The following SNED1 variants were observed in gnomAD, a reference collection of about 807,000 sequenced individuals.
The protein encoded by SNED1 is sushi, nidogen and EGF like domains 1, also known as sushi, nidogen and EGF-like domain-containing protein 1.
A neutral mutation model predicts 166.7 loss-of-function variants in SNED1; 81 were observed. That is an observed-to-expected ratio of 0.49 (90% CI 0.41 to 0.58). The LOEUF is 0.58. Among genes scored for constraint, SNED1 ranks in the 20% least tolerant of loss-of-function variants. The pLI, the probability that SNED1 is intolerant of heterozygous loss-of-function variation, is 0.00. For missense variants in SNED1, 1,604 were observed against 2,000.2 expected, an observed-to-expected ratio of 0.80 and a Z score of 3.78; for synonymous variants, 762 against 822.0, an observed-to-expected ratio of 0.93 and a Z score of 1.25.
chr2:241,051,558 G>A lies in SNED1; in HGVS notation c.1736-186G>A. ...GTGACTGAGTTGGGGTCTCCAGCCT[G>A]TGAGCCCCACCCCAGCCCCCACCAT... On this transcript the variant is annotated intron_variant, in intron 12 of 31. Transcript: ENST00000310397. This position sits in a 1 kb window ranked among gnomAD's most constrained non-coding sequence, Gnocchi z 4.7. 1 of 458,926 alleles carries A rather than the reference G, an allele frequency of 2.2e-6. No homozygotes were observed. Among genetic ancestry groups the A allele is most frequent in the Non-Finnish European group, 3.8e-6 (1 of 261,272 alleles). The allele number at this position is 458,926 out of a possible 1,614,324, so 28.4% of individuals were successfully genotyped here. A position where few individuals can be genotyped will look rare whatever the true frequency, so the allele number is the denominator to read the frequency against.
chr2:241,085,174 T>G (rs1392317511), intron 29 of SNED1, among the ~76,000 whole-genome samples: 2 of 152,224 alleles, frequency 1.3e-5, no homozygotes, highest in African/African-American at 4.8e-5. Context: ...CGTAAAATTT[T>G]TGCCATTATT....
rs59199140 is a variant in SNED1, at chr2:241,012,825, C to CT, written c.213+13791dup. Among the ~76,000 whole-genome samples the CT allele has an allele frequency of 4.6e-3, 627 of 134,850 alleles. 1 individual carries two copies. Among genetic ancestry groups the CT allele is most frequent in the Middle Eastern group, 7.7e-3 (2 of 260 alleles). The allele number at this position is 134,850 out of a possible 152,430, so 88.5% of individuals were successfully genotyped here. ...CGAGGCAGTACTGTGTTTTTTTTTTCTTTTTTTTTTTTTTTTGTTGTTGTT... is the reference window on the plus strand; with the variant it reads ...CGAGGCAGTACTGTGTTTTTTTTTTCTTTTTTTTTTTTTTTTTGTTGTTGTT... On this transcript the variant is annotated intron_variant, in intron 1 of 31. Coordinates refer to ENST00000310397, the MANE Select transcript of SNED1 (RefSeq NM_001080437.3).
intron 1 of SNED1, among the ~76,000 whole-genome samples, chr2:241,028,175 A>C (rs145581322): frequency 2.5e-3 from 379 of 152,302 alleles, no homozygotes; most frequent in Non-Finnish European, 4.0e-3. Context: ...CTCTATATTC[A>C]GGATATTAAT....
chr2:241,072,044 G>A (rs1373221915), intron 26 of SNED1, 166 bp downstream of exon 26: 14 of 723,588 alleles, frequency 1.9e-5, no homozygotes, highest in Middle Eastern at 4.5e-4. Context: ...CTCGTGGGCC[G>A]CCGGCAGCAT....
rs768710943 is a variant in SNED1 at position 241,033,745 on chromosome 2, T to A, written c.512T>A (p.Phe171Tyr). 3.7e-6 allele frequency: 6 copies of A among 1,611,768 alleles called. No homozygotes were observed. The South Asian group carries it at 6.6e-5, about 18-fold the overall frequency. The change falls in exon 3 of 32, where the codon TTC becomes TAC. Residue 171 changes from phenylalanine (F) to tyrosine (Y), a missense_variant. Physicochemically the swap from Phe to Tyr is conservative, Grantham distance 22 (BLOSUM62 3). Around this residue, in one of 2 missense-constraint regions of SNED1, gnomAD observed 1,237 missense variants for 1,620.8 expected, o/e 0.76. Transcript: ENST00000310397. ...CCCTCTCCCCGGCAGGTCAACACAT[T>A]CCAGACTGTGCTCATCACAGACGGC... The part of the protein sequence containing the change: ...GGSSSSPVNT[F>Y]QTVLITDGKL...
Position 241,058,231 on chromosome 2 carries a change from G to A in SNED1, c.2258-4560G>A, listed in dbSNP as rs1047711567. ...CTCAATGATAATTGGTTCCGTTCAC[G>A]AAGAAGATACAATTATTATAAATAT... On this transcript the variant is annotated intron_variant, in intron 16 of 31. Coordinates refer to ENST00000310397, the MANE Select transcript of SNED1 (RefSeq NM_001080437.3). Among the ~76,000 whole-genome samples, 9 of 152,232 alleles carry A rather than the reference G, an allele frequency of 5.9e-5. No individual in the cohort carries two copies. In the South Asian group the frequency reaches 6.2e-4, roughly 11 times the overall value.
chr2:240,999,008 G>T lies in SNED1; in HGVS notation c.171G>T (p.Ser57=). Residue 57 remains serine, a synonymous_variant, in exon 1 of 32, where the codon TCG becomes TCT. Transcript: ENST00000310397. This position sits in a 1 kb window ranked among gnomAD's most constrained non-coding sequence, Gnocchi z 5.8. ...GCGGCTCGGGGCTGCGGCCGCTCTC[G>T]GTGCCCTTCCCGTTCTTCGGTGCCG... ...DDGGSGLRPL[S]VPFPFFGAEH... The T allele has an allele frequency of 7.5e-7, 1 of 1,325,244 alleles. No homozygotes were observed. The allele number at this position is 1,325,244 out of a possible 1,614,324, so 82.1% of individuals were successfully genotyped here.
At position 241,088,070 on chromosome 2, in the gene SNED1, T is replaced by C. The variant is rs192691161; in HGVS notation, c.4206-295T>C. On this transcript the variant is annotated intron_variant, in intron 30 of 31. Transcript: ENST00000310397. ...TGCTCGGCCTGTGCACGTCACCGGC[T>C]CTTCCCTAGGGTAGCTTTTGCTTGC... 4.1e-3 allele frequency: 1,897 copies of C among 464,070 alleles called. 26 individuals carry two copies. The highest frequency in any genetic ancestry group is 0.033 in the African/African-American group (1,649 of 50,188). The allele number at this position is 464,070 out of a possible 1,614,324, so 28.7% of individuals were successfully genotyped here. A position where few individuals can be genotyped will look rare whatever the true frequency, so the allele number is the denominator to read the frequency against.
At chr2:241,005,749 T>C (rs2060204776) in intron 1 of SNED1, among the ~76,000 whole-genome samples, 1 of 152,186 alleles carries the variant, frequency 6.6e-6, no homozygotes, top group South Asian at 2.1e-4. Flanking sequence ...TAGTTTGTAA[T>C]GAGAAGTCTG....
At chr2:241,037,132 C>A in intron 5 of SNED1, 108 bp from the exon 6 acceptor site, 2 of 1,089,476 alleles carry the variant, frequency 1.8e-6, no homozygotes, top group Non-Finnish European at 2.7e-6. Flanking sequence ...CCTCTCTGAG[C>A]CAATCTCGGG....
intron 11 of SNED1, 114 bp from the exon 12 acceptor site, chr2:241,049,703 T>G (rs1398406552): frequency 3.6e-5 from 26 of 723,890 alleles, no homozygotes; most frequent in Non-Finnish European, 4.5e-5. Context: ...TCAGTGGCCT[T>G]GGTTCCAGAC....
chr2:241,058,288 A>G (rs926592450), intron 16 of SNED1, among the ~76,000 whole-genome samples: 2 of 152,226 alleles, frequency 1.3e-5, no homozygotes, highest in African/African-American at 4.8e-5. Flanking sequence ...CTCAATATAT[A>G]TAAAGCAAAA....
At chr2:241,035,195 CCCATGAGGCAGGT>C (rs764753501) in intron 4 of SNED1, among the ~76,000 whole-genome samples, 1 of 152,252 alleles carries the variant, frequency 6.6e-6, no homozygotes, top group Non-Finnish European at 1.5e-5. Flanking sequence ...CTCAGGGCCA[CCCATGAGGCAGGT>C]CCTCTTACCA....
In SNED1 at chr2:241,034,591, G is replaced by A. The variant is rs1258164858; in HGVS notation, c.666G>A (p.Gly222=). The change falls in exon 4 of 32, where the codon GGG becomes GGA. Residue 222 remains glycine, a synonymous_variant. Coordinates refer to ENST00000310397, the MANE Select transcript of SNED1 (RefSeq NM_001080437.3). ...AAQAGFNAGD[G]QRYFSIPGSR... ...AGGCTGGCTTCAACGCAGGCGATGG[G>A]CAGCGTTACTTCAGTATCCCCGGCT... The A allele has an allele frequency of 3.1e-6, 5 of 1,607,588 alleles. No individual in the cohort carries two copies. Among genetic ancestry groups the A allele is most frequent in the East Asian group, 2.2e-5 (1 of 44,708 alleles).
chr2:241,053,166 C>A lies in SNED1; in HGVS notation c.2097C>A (p.Gly699=). The stretch of plus-strand genomic sequence containing the variant: ...CGTGCCTTGCAGAGGTGGACTGCGG[C>A]CCCCCGGAGGAGGTGAAGCACGCCA... The part of the protein sequence containing the change: ...GRRCQAEVDC[G]PPEEVKHATL... Residue 699 remains glycine, a synonymous_variant, in exon 16 of 32, where the codon GGC becomes GGA. Coordinates refer to ENST00000310397, the MANE Select transcript of SNED1 (RefSeq NM_001080437.3). The A allele has an allele frequency of 1.2e-6, 2 of 1,609,920 alleles. No homozygotes were observed. The highest frequency in any genetic ancestry group is 1.7e-6 in the Non-Finnish European group (2 of 1,179,038).
intron 1 of SNED1, among the ~76,000 whole-genome samples, chr2:241,001,060 C>A (rs1482352994): frequency 6.6e-6 from 1 of 152,232 alleles, no homozygotes; most frequent in African/African-American, 2.4e-5. Context: ...AGCGGACCCT[C>A]TTCTGAGGCC....
chr2:241,087,578 C>T (rs2063647903), intron 30 of SNED1, 103 bp downstream of exon 30: 2 of 1,464,950 alleles, frequency 1.4e-6, no homozygotes, highest in South Asian at 2.9e-5. Flanking sequence ...TGGGCTGAGC[C>T]AGGCGGTCTA....
chr2:241,071,676 G>C lies in SNED1; in HGVS notation c.3690G>C (p.Leu1230=). ...CGGCGCGCCTGCCGGAGCTGCGCCT[G>C]CTCAATGACCACAGCGCCCCCGAGA... ...PPPARLPELR[L]LNDHSAPETP... The change falls in exon 25 of 32, where the codon CTG becomes CTC. Residue 1230 remains leucine (L), a synonymous_variant. Coordinates refer to ENST00000310397, the MANE Select transcript of SNED1 (RefSeq NM_001080437.3). 1 of 1,552,266 alleles carries C rather than the reference G, an allele frequency of 6.4e-7. No individual in the cohort carries two copies. Among genetic ancestry groups the C allele is most frequent in the Admixed American group, 1.9e-5 (1 of 53,306 alleles).
rs2060486190 is a variant in SNED1, at chr2:241,013,667, A to G, written c.213+14617A>G. On this transcript the variant is annotated intron_variant, in intron 1 of 31. Coordinates refer to ENST00000310397, the MANE Select transcript of SNED1 (RefSeq NM_001080437.3). The surrounding 1 kb of genome is among the most constrained non-coding windows in gnomAD (Gnocchi z 4.6). ...AGTTCAGCTATTTTAGATTCCACAT[A>G]TAAGTGTCTTTCTGCGCCTGGCTTA... 6.6e-6 allele frequency among the ~76,000 whole-genome samples: 1 copy of G among 152,092 alleles called. No homozygotes were observed. The highest frequency in any genetic ancestry group is 1.5e-5 in the Non-Finnish European group (1 of 68,020).
Sources: gnomAD v4.1 joint callset for allele counts (sites outside exome capture counted in the v4.1 genomes callset) on GRCh38, gnomAD v4.1.1 for gene constraint, gnomAD v4.1.1 regional missense constraint, Gnocchi (gnomAD v3.1) non-coding constraint, MANE v1.5 for transcripts, NCBI Gene and HGNC (gene_info 2026-07-23, HGNC 2026-07-21) for gene names.